The following ANKFN1 variants were observed in gnomAD, a reference collection of about 807,000 sequenced individuals.
ANKFN1 encodes the protein ankyrin repeat and fibronectin type III domain containing 1.
In ANKFN1, 74 loss-of-function variants were observed where a neutral mutation model predicts 108.7. That is an observed-to-expected ratio of 0.68 (90% CI 0.56 to 0.83). The LOEUF (loss-of-function observed/expected upper bound fraction) is 0.83. Among genes scored for constraint, ANKFN1 ranks in the 40% least tolerant of loss-of-function variants. ANKFN1 has a pLI of 0.00. For synonymous variants in ANKFN1, 547 were observed against 516.2 expected, an observed-to-expected ratio of 1.06 and a Z score of -0.81; for missense variants, 1,505 against 1,382.3, an observed-to-expected ratio of 1.09 and a Z score of -1.41.
chr17:56,057,113 A>G (rs1377463897), intron 4 of ANKFN1, among the ~76,000 whole-genome samples: 2 of 152,224 alleles, frequency 1.3e-5, no homozygotes, highest in East Asian at 3.8e-4. Context: ...ACAACTCCTC[A>G]TCTACTCAAG....
chr17:56,441,785 A>G (rs574057638), intron 9 of ANKFN1, among the ~76,000 whole-genome samples: 1 of 152,212 alleles, frequency 6.6e-6, no homozygotes, highest in Non-Finnish European at 1.5e-5. Flanking sequence ...TTTATACTTT[A>G]CACAATCTCT....
chr17:56,407,931 C>CTTTTTTTTT (rs761975892), intron 8 of ANKFN1, among the ~76,000 whole-genome samples: 119 of 104,602 alleles, frequency 1.1e-3, no homozygotes, highest in Non-Finnish European at 1.6e-3. Context: ...TCTTTTTTAT[C>CTTTTTTTTT]TTTTTTTTTT....
At chr17:56,049,943 T>G (rs1396829108) in intron 4 of ANKFN1, among the ~76,000 whole-genome samples, 1 of 152,154 alleles carries the variant, frequency 6.6e-6, no homozygotes, top group Non-Finnish European at 1.5e-5. Context: ...TATTTCTAGT[T>G]CTAGATTTCT....
chr17:56,450,493 C>A (rs191659954), intron 11 of ANKFN1, among the ~76,000 whole-genome samples: 3 of 152,292 alleles, frequency 2.0e-5, no homozygotes, highest in African/African-American at 7.2e-5. Flanking sequence ...AATATGCATG[C>A]AGTAGCTCTG....
chr17:56,311,978 C>T (rs1266148313), intron 3 of ANKFN1, among the ~76,000 whole-genome samples: 1 of 152,188 alleles, frequency 6.6e-6, no homozygotes, highest in African/African-American at 2.4e-5. Context: ...ATCTAGAACT[C>T]TTCGCGGTCT....
upstream of ANKFN1, among the ~76,000 whole-genome samples, chr17:56,150,376 G>C (rs1253841547): frequency 1.3e-5 from 2 of 152,156 alleles, no homozygotes; most frequent in Non-Finnish European, 2.9e-5. Flanking sequence ...CTGGAGCTGG[G>C]TTACCGATAC....
intron 4 of ANKFN1, among the ~76,000 whole-genome samples, chr17:56,122,135 C>T (rs190779780): frequency 4.6e-5 from 7 of 152,208 alleles, no homozygotes; most frequent in East Asian, 1.9e-4. Flanking sequence ...AGTGGCTTTC[C>T]GAGACTTGGA....
intron 6 of ANKFN1, among the ~76,000 whole-genome samples, chr17:56,357,783 A>C (rs2046412704): frequency 6.6e-6 from 1 of 152,152 alleles, no homozygotes. Context: ...AAGAGGCAGG[A>C]TATATAAGAG....
chr17:56,445,234 C>A (rs576391374), intron 10 of ANKFN1, among the ~76,000 whole-genome samples: 1 of 152,112 alleles, frequency 6.6e-6, no homozygotes, highest in East Asian at 1.9e-4. Context: ...TCTCAGTTGA[C>A]CTGAAAGTGA....
At chr17:56,062,573 T>TTTTTTTC (rs1555589520) in intron 4 of ANKFN1, among the ~76,000 whole-genome samples, 3 of 145,222 alleles carry the variant, frequency 2.1e-5, no homozygotes, top group African/African-American at 8.5e-5. Context: ...TTTTTTTTTT[T>TTTTTTTC]CTTTCCATTT....
At chr17:56,354,775 C>T (rs9907782) in intron 6 of ANKFN1, among the ~76,000 whole-genome samples, 9,223 of 152,132 alleles carry the variant, frequency 0.061, 912 homozygotes, top group African/African-American at 0.21. Flanking sequence ...AGTGAGATCA[C>T]GCCATGTTTA....
At chr17:56,257,475 A>C (rs77770901) in intron 3 of ANKFN1, among the ~76,000 whole-genome samples, 2,347 of 152,352 alleles carry the variant, frequency 0.015, 61 homozygotes, top group African/African-American at 0.052. Flanking sequence ...CAAATCTCAC[A>C]GGCTCAGGCC....
chr17:56,112,252 G>A lies in ANKFN1; in HGVS notation c.288+65927G>A, dbSNP rs145352402. ...AAAACCATTCTAATATCATTCCTGA[G>A]GGAGTTGACTTACAGAAGGATGGCC... On this transcript the variant is annotated intron_variant, in intron 4 of 12. Coordinates refer to the ANKFN1 transcript ENST00000635860. Among the ~76,000 whole-genome samples, 43 of 152,152 alleles carry A rather than the reference G, an allele frequency of 2.8e-4. No individual in the cohort carries two copies. In the East Asian group the frequency reaches 7.9e-3, roughly 28 times the overall value.
intron 4 of ANKFN1, among the ~76,000 whole-genome samples, chr17:56,113,938 A>G (rs1906118218): frequency 6.6e-6 from 1 of 152,154 alleles, no homozygotes; most frequent in Admixed American, 6.5e-5. Context: ...TTATCTTCTA[A>G]TTGCAAACTA....
chr17:56,493,335 T>C (rs1440393700), intron 19 of ANKFN1, among the ~76,000 whole-genome samples: 2 of 152,152 alleles, frequency 1.3e-5, no homozygotes, highest in Non-Finnish European at 2.9e-5. Context: ...TCAGAAACAT[T>C]CCCATGAAGG....
chr17:56,150,641 C>T (rs1908543620), upstream of ANKFN1, among the ~76,000 whole-genome samples: 1 of 152,134 alleles, frequency 6.6e-6, no homozygotes, highest in South Asian at 2.1e-4. Context: ...TTCTTCTGCT[C>T]ATCACATTCT....
intron 4 of ANKFN1, among the ~76,000 whole-genome samples, chr17:56,051,311 CA>C (rs1486862854): frequency 1.2e-4 from 14 of 114,460 alleles, no homozygotes; most frequent in African/African-American, 4.8e-4. Flanking sequence ...GAACCAAAGA[CA>C]AAAACCACAT....
chr17:56,392,206 G>T (rs151142957), intron 8 of ANKFN1, among the ~76,000 whole-genome samples: 12 of 152,238 alleles, frequency 7.9e-5, no homozygotes, highest in Non-Finnish European at 1.3e-4. Flanking sequence ...TTTGTGCAAG[G>T]TCCCATAATA....
In ANKFN1 at chr17:56,495,313, G is replaced by GTCTCTCTCTCTC. The variant is rs150627971; in HGVS notation, c.2427+2973_2427+2984dup. ...TCTCTCCCTTTATGTTGACTTTGTG[G>GTCTCTCTCTCTC]TCTCTCTCTCTCTCTCTCTCTCTCA... On this transcript the variant is annotated intron_variant, in intron 19 of 20. Transcript: ENST00000682825. 9.7e-3 allele frequency among the ~76,000 whole-genome samples: 1,429 copies of GTCTCTCTCTCTC among 147,388 alleles called. 15 individuals are homozygous for GTCTCTCTCTCTC. Among genetic ancestry groups the GTCTCTCTCTCTC allele is most frequent in the African/African-American group, 0.024 (942 of 39,810 alleles).
Sources: gnomAD v4.1 joint callset for allele counts (sites outside exome capture counted in the v4.1 genomes callset) on GRCh38, gnomAD v4.1.1 for gene constraint, MANE v1.5 for transcripts, NCBI Gene and HGNC (gene_info 2026-07-23, HGNC 2026-07-21) for gene names.